MICU2: variants seen among roughly 807,000 people sequenced by gnomAD.
The protein encoded by MICU2 is calcium uptake protein 2, mitochondrial.
Under a neutral mutation model 60.4 loss-of-function variants are expected in MICU2, and 64 were observed. The observed-to-expected ratio is 1.06, with a 90% CI of 0.87 to 1.31. The LOEUF (loss-of-function observed/expected upper bound fraction) is 1.31. MICU2 is among the 50% of genes most tolerant of loss of function. The probability of loss-of-function intolerance (pLI) is 0.00; values close to 1 mark genes in which losing one functional copy is unlikely to be tolerated. For missense variants in MICU2, 569 were observed against 531.0 expected (o/e 1.07, Z -0.70); for synonymous variants, 201 against 175.0 (o/e 1.15, Z -1.17).
intron 11 of MICU2, 48 bp from the exon 12 acceptor site, chr13:21,493,401 A>G: frequency 7.5e-7 from 1 of 1,329,612 alleles, no homozygotes; most frequent in Non-Finnish European, 1.1e-6. Flanking sequence ...TCAAGGTTAA[A>G]CATGATTTCA....
intron 4 of MICU2, chr13:21,531,132 G>C: frequency 1.1e-6 from 1 of 917,216 alleles, no homozygotes; most frequent in Admixed American, 1.7e-5. Flanking sequence ...TGCCTTTCTT[G>C]TGGTTATCTA....
chr13:21,552,975 T>C (rs1340469244), intron 2 of MICU2, among the ~76,000 whole-genome samples: 1 of 152,190 alleles, frequency 6.6e-6, no homozygotes. Context: ...AGAAAGTCAT[T>C]GGTAGCTTGA....
intron 1 of MICU2, among the ~76,000 whole-genome samples, chr13:21,602,333 T>C (rs766827253): frequency 7.2e-5 from 11 of 151,890 alleles, no homozygotes; most frequent in Non-Finnish European, 1.2e-4. Flanking sequence ...CCATCCTGGC[T>C]AATACGGTGA....
At chr13:21,549,461 A>G (rs7985023) in intron 2 of MICU2, among the ~76,000 whole-genome samples, 61,246 of 151,960 alleles carry the variant, frequency 0.4, 13,162 homozygotes, top group East Asian at 0.66. Context: ...TCCAAGATAA[A>G]TTCGCAAAGA....
intron 4 of MICU2, among the ~76,000 whole-genome samples, chr13:21,524,684 C>CCAA (rs1338313193): frequency 1.3e-5 from 2 of 152,184 alleles, no homozygotes; most frequent in African/African-American, 4.8e-5. Flanking sequence ...GCATTAAGTA[C>CCAA]ATTCACGCTG....
At chr13:21,535,582 A>C (rs1415677002) in intron 4 of MICU2, among the ~76,000 whole-genome samples, 1 of 152,204 alleles carries the variant, frequency 6.6e-6, no homozygotes, top group Non-Finnish European at 1.5e-5. Context: ...ATTAACTATG[A>C]TTTTAAAAAT....
Position 21,545,697 on chromosome 13 carries a change from T to C in MICU2, c.359-6009A>G, listed in dbSNP as rs141829595. Among the ~76,000 whole-genome samples, 280 of 150,244 alleles carry C rather than the reference T, an allele frequency of 1.9e-3. 3 individuals are homozygous for C. Among genetic ancestry groups the C allele is most frequent in the African/African-American group, 6.5e-3 (266 of 40,922 alleles). The stretch of plus-strand genomic sequence containing the variant: ...TAAAAAAAAAAAAGGGTTGATATCA[T>C]AGAAGTAGAAAGTAGGACAGAGTAT... On this transcript the variant is annotated intron_variant, in intron 2 of 11. Transcript: ENST00000382374.
At chr13:21,580,208 T>C (rs1250932847) in intron 1 of MICU2, among the ~76,000 whole-genome samples, 1 of 152,204 alleles carries the variant, frequency 6.6e-6, no homozygotes, top group East Asian at 1.9e-4. Context: ...AGTAAAATTG[T>C]TAGCATTTGC....
intron 1 of MICU2, among the ~76,000 whole-genome samples, chr13:21,595,857 CT>C (rs898117093): frequency 1.3e-5 from 2 of 152,246 alleles, no homozygotes; most frequent in Non-Finnish European, 2.9e-5. Flanking sequence ...GTCCACTCTC[CT>C]TCAGCCTATA....
At chr13:21,601,208 G>C (rs1248815359) in intron 1 of MICU2, among the ~76,000 whole-genome samples, 1 of 152,190 alleles carries the variant, frequency 6.6e-6, no homozygotes, top group Non-Finnish European at 1.5e-5. Context: ...TTCATCACAA[G>C]CCAAAATTCT....
intron 1 of MICU2, among the ~76,000 whole-genome samples, chr13:21,602,110 C>A (rs7331237): frequency 1 from 148,500 of 149,058 alleles, 73,972 homozygotes; most frequent in East Asian, 1. Flanking sequence ...ATCTCAACAA[C>A]AAAAAAAAAG....
At chr13:21,538,666 ATAAG>A (rs1405854888) in intron 4 of MICU2, among the ~76,000 whole-genome samples, 1 of 152,088 alleles carries the variant, frequency 6.6e-6, no homozygotes, top group Non-Finnish European at 1.5e-5. Context: ...ATTAGGTATT[ATAAG>A]TAATCTAGAG....
chr13:21,535,648 CAA>C (rs34870204), intron 4 of MICU2, among the ~76,000 whole-genome samples: 1 of 151,882 alleles, frequency 6.6e-6, no homozygotes, highest in Non-Finnish European at 1.5e-5. Flanking sequence ...TTAAATCTTA[CAA>C]AAAAATATAG....
intron 4 of MICU2, among the ~76,000 whole-genome samples, chr13:21,538,227 C>T (rs895636706): frequency 8.6e-5 from 13 of 151,848 alleles, no homozygotes; most frequent in African/African-American, 3.1e-4. Flanking sequence ...CTGATCTGTA[C>T]AGTTGGCCCT....
At chr13:21,509,182 C>T (rs2138146364) in intron 8 of MICU2, among the ~76,000 whole-genome samples, 1 of 152,256 alleles carries the variant, frequency 6.6e-6, no homozygotes, top group East Asian at 1.9e-4. Flanking sequence ...CACTGTCTCA[C>T]TATGCATGGC....
intron 1 of MICU2, among the ~76,000 whole-genome samples, chr13:21,576,327 T>C (rs1479521590): frequency 6.6e-6 from 1 of 152,186 alleles, no homozygotes; most frequent in Admixed American, 6.5e-5. Context: ...ACTTCTGTGA[T>C]ATAAGCTCTA....
intron 2 of MICU2, among the ~76,000 whole-genome samples, chr13:21,565,531 G>A (rs1169631566): frequency 2.6e-5 from 4 of 152,236 alleles, no homozygotes; most frequent in Admixed American, 2.6e-4. Context: ...GGTGGCACGT[G>A]CCTGTAATCC....
intron 6 of MICU2, among the ~76,000 whole-genome samples, chr13:21,517,799 A>ACGAG (rs1886614332): frequency 7.3e-6 from 1 of 136,332 alleles, no homozygotes; most frequent in African/African-American, 3.1e-5. Flanking sequence ...ACACACACAC[A>ACGAG]CGCGCGCGCG....
intron 6 of MICU2, among the ~76,000 whole-genome samples, chr13:21,517,477 T>C (rs897787266): frequency 1.3e-5 from 2 of 152,170 alleles, no homozygotes; most frequent in South Asian, 4.1e-4. Flanking sequence ...AAATCTCAAA[T>C]ATAAGATGCT....
Sources: allele counts gnomAD v4.1 joint callset (sites outside exome capture counted in the v4.1 genomes callset), GRCh38; gene constraint gnomAD v4.1.1; transcripts MANE v1.5; gene names NCBI Gene and HGNC (gene_info 2026-07-23, HGNC 2026-07-21).